The following SORCS3 variants were observed in gnomAD, a reference collection of about 807,000 sequenced individuals.
SORCS3 encodes VPS10 domain-containing receptor SorCS3.
In SORCS3, 57 loss-of-function variants were observed where a neutral mutation model predicts 146.3. That is an observed-to-expected ratio of 0.39 (90% CI 0.31 to 0.49). The LOEUF is 0.49. Among genes scored for constraint, SORCS3 ranks in the 20% least tolerant of loss-of-function variants. The pLI is 0.92. For missense variants in SORCS3, 1,341 were observed against 1,575.5 expected (o/e 0.85, Z 2.52); for synonymous variants, 653 against 618.5 (o/e 1.06, Z -0.83).
chr10:105,157,111 T>C (rs1474725005), intron 9 of SORCS3, 27 bp from the exon 10 acceptor site: 3 of 1,612,728 alleles, frequency 1.9e-6, no homozygotes, highest in Non-Finnish European at 2.5e-6. Flanking sequence ...CCCAGCATGG[T>C]TCTCCATCTC....
chr10:105,028,571 T>C (rs2055245159), intron 4 of SORCS3, among the ~76,000 whole-genome samples: 1 of 152,186 alleles, frequency 6.6e-6, no homozygotes, highest in Non-Finnish European at 1.5e-5. Flanking sequence ...ACATGGGCCA[T>C]GAAATCAAAC....
At chr10:105,038,475 A>G (rs1381092376) in intron 4 of SORCS3, among the ~76,000 whole-genome samples, 2 of 152,200 alleles carry the variant, frequency 1.3e-5, no homozygotes, top group African/African-American at 4.8e-5. Flanking sequence ...TAGAACTTTA[A>G]TTCATGGCCT....
In SORCS3 at chr10:105,157,125, C is replaced by G; in HGVS notation, c.1483-13C>G. The stretch of plus-strand genomic sequence containing the variant: ...GCCCAGCATGGTTCTCCATCTCTCA[C>G]CTTTTTTCCTAGGTAGCAGGTATCA... On this transcript the variant is annotated splice_polypyrimidine_tract_variant and intron_variant, in intron 9 of 26. Transcript: ENST00000369701. The G allele has an allele frequency of 6.2e-7, 1 of 1,613,660 alleles. No homozygotes were observed. The highest frequency in any genetic ancestry group is 8.5e-7 in the Non-Finnish European group (1 of 1,179,678).
At chr10:104,798,724 C>G (rs1397571303) in intron 1 of SORCS3, among the ~76,000 whole-genome samples, 1 of 152,152 alleles carries the variant, frequency 6.6e-6, no homozygotes, top group Non-Finnish European at 1.5e-5. Flanking sequence ...TAAAGAGCTT[C>G]TGCACAGCAA....
chr10:105,009,494 T>C (rs1041278519), intron 4 of SORCS3, among the ~76,000 whole-genome samples: 7 of 140,738 alleles, frequency 5.0e-5, no homozygotes, highest in Admixed American at 2.3e-4. Flanking sequence ...TAGATCTTCT[T>C]CCCTGTAAAA....
intron 2 of SORCS3, among the ~76,000 whole-genome samples, chr10:104,858,830 C>T (rs1355802441): frequency 6.6e-6 from 1 of 151,056 alleles, no homozygotes; most frequent in Non-Finnish European, 1.5e-5. Context: ...TCCATGTTAG[C>T]CAGGATGGTC....
At chr10:104,679,243 A>C (rs2015944908) in intron 1 of SORCS3, among the ~76,000 whole-genome samples, 1 of 152,212 alleles carries the variant, frequency 6.6e-6, no homozygotes, top group African/African-American at 2.4e-5. Flanking sequence ...GTAGAAATTA[A>C]ATAAGATGAG....
At chr10:104,924,598 T>C (rs2019120307) in intron 3 of SORCS3, among the ~76,000 whole-genome samples, 1 of 152,172 alleles carries the variant, frequency 6.6e-6, no homozygotes, top group Admixed American at 6.5e-5. Context: ...AAAGGCCAAA[T>C]GGCTTGATAA....
chr10:105,226,126 T>A (rs976521890), intron 20 of SORCS3, among the ~76,000 whole-genome samples: 2 of 151,952 alleles, frequency 1.3e-5, no homozygotes, highest in Non-Finnish European at 2.9e-5. Context: ...GGCATCCTTA[T>A]CTTCTTGTTC....
chr10:104,785,222 T>G (rs997360135), intron 1 of SORCS3, among the ~76,000 whole-genome samples: 2 of 150,204 alleles, frequency 1.3e-5, no homozygotes, highest in African/African-American at 4.9e-5. Context: ...AGACTTTTCA[T>G]TTTGTTCTGC....
In SORCS3 at chr10:105,010,731, T is replaced by TC. The variant is rs199510668; in HGVS notation, c.955-32324_955-32323insC. On this transcript the variant is annotated intron_variant, in intron 4 of 26. Coordinates refer to ENST00000369701, the MANE Select transcript of SORCS3 (RefSeq NM_014978.3). ...TGGAAGCATAGTTTCTTTTTTTTTTTTCTCTCTTTCAGTGGCACTTTTCTG... is the reference window on the plus strand; with the variant it reads ...TGGAAGCATAGTTTCTTTTTTTTTTTCTCTCTCTTTCAGTGGCACTTTTCTG... 5.8e-4 allele frequency among the ~76,000 whole-genome samples: 89 copies of TC among 152,140 alleles called. No individual in the cohort carries two copies. In the Middle Eastern group the frequency reaches 0.01, roughly 17 times the overall value.
intron 1 of SORCS3, among the ~76,000 whole-genome samples, chr10:104,788,577 G>T (rs1294744405): frequency 1.3e-5 from 2 of 152,188 alleles, no homozygotes; most frequent in Non-Finnish European, 2.9e-5. Context: ...GGAAAGGGGA[G>T]CCAGAAAAGC....
intron 5 of SORCS3, among the ~76,000 whole-genome samples, chr10:105,075,495 G>C (rs77407608): frequency 0.022 from 3,313 of 152,252 alleles, 113 homozygotes; most frequent in East Asian, 0.17. Flanking sequence ...GGTAGGTGCA[G>C]GTGGGTTCTG....
chr10:105,182,228 A>ATTTTTTTTTTTTTTTTTTTT (rs1306740780), intron 14 of SORCS3, among the ~76,000 whole-genome samples: 1 of 69,344 alleles, frequency 1.4e-5, no homozygotes, highest in African/African-American at 5.1e-5. Context: ...ACTATTCAGC[A>ATTTTTTTTTTTTTTTTTTTT]TCTTTTTTTT....
intron 18 of SORCS3, among the ~76,000 whole-genome samples, chr10:105,215,030 C>T (rs1011652168): frequency 2.0e-5 from 3 of 152,108 alleles, no homozygotes; most frequent in Non-Finnish European, 4.4e-5. Context: ...TTAGAAAAGC[C>T]CACAAAGCTT....
At chr10:104,731,416 G>A (rs1189428412) in intron 1 of SORCS3, among the ~76,000 whole-genome samples, 2 of 152,204 alleles carry the variant, frequency 1.3e-5, no homozygotes, top group East Asian at 3.9e-4. Context: ...GGGAGAAAGA[G>A]CAGGGCTTGT....
At chr10:104,700,610 G>A (rs1326531301) in intron 1 of SORCS3, among the ~76,000 whole-genome samples, 2 of 152,132 alleles carry the variant, frequency 1.3e-5, no homozygotes, top group African/African-American at 2.4e-5. Flanking sequence ...AGAATAAAAT[G>A]GAGTCGGGAG....
chr10:105,100,642 CCATTG>C (rs2055777558), intron 6 of SORCS3, among the ~76,000 whole-genome samples: 1 of 152,172 alleles, frequency 6.6e-6, no homozygotes, highest in South Asian at 2.1e-4. Context: ...GTCCGAACAT[CCATTG>C]CACTTAAGGT....
At chr10:104,724,043 A>G (rs1381520808) in intron 1 of SORCS3, among the ~76,000 whole-genome samples, 8 of 152,258 alleles carry the variant, frequency 5.3e-5, no homozygotes, top group Non-Finnish European at 8.8e-5. Flanking sequence ...GATTTTGCTC[A>G]TTAGTTGATG....
Sources: gnomAD v4.1 joint callset for allele counts (sites outside exome capture counted in the v4.1 genomes callset) on GRCh38, gnomAD v4.1.1 for gene constraint, MANE v1.5 for transcripts, NCBI Gene and HGNC (gene_info 2026-07-23, HGNC 2026-07-21) for gene names.